SCRN3: variants seen among roughly 807,000 people sequenced by gnomAD.
The protein encoded by SCRN3 is secernin 3, also known as secernin-3.
A neutral mutation model predicts 43.1 loss-of-function variants in SCRN3; 39 were observed. That is an observed-to-expected ratio of 0.91 (90% CI 0.70 to 1.18). SCRN3 has a LOEUF of 1.18. Ranked by LOEUF, SCRN3 falls within the 50% of genes most tolerant of loss-of-function variation. SCRN3 has a pLI of 0.00. For synonymous variants in SCRN3, 147 were observed against 163.1 expected, an observed-to-expected ratio of 0.90 and a Z score of 0.75; for missense variants, 484 against 498.0, an observed-to-expected ratio of 0.97 and a Z score of 0.27.
chr2:174,395,883 G>T, intron 1 of SCRN3, 66 bp downstream of exon 1: 1 of 1,446,006 alleles, frequency 6.9e-7, no homozygotes, highest in East Asian at 2.5e-5. Context: ...CCCAACTGTG[G>T]CGCGGCACTG....
In SCRN3 at chr2:174,409,434, C is replaced by T. The variant is rs868356261; in HGVS notation, c.754+5119C>T. Among the ~76,000 whole-genome samples the T allele has an allele frequency of 6.6e-3, 977 of 146,982 alleles. 4 individuals are homozygous for T. Among genetic ancestry groups the T allele is most frequent in the Middle Eastern group, 0.029 (8 of 272 alleles). ...CTCCCGTAGCTCAGAGTAATTTGAT[C>T]GTCTGAAGCCTTCTTCTCTCAGCTC... On this transcript the variant is annotated intron_variant, in intron 5 of 7. Coordinates refer to ENST00000272732, the MANE Select transcript of SCRN3 (RefSeq NM_024583.5).
At chr2:174,411,532 C>T (rs1247380375) in intron 5 of SCRN3, among the ~76,000 whole-genome samples, 3 of 152,180 alleles carry the variant, frequency 2.0e-5, no homozygotes, top group Non-Finnish European at 2.9e-5. Context: ...TTAATCTCTA[C>T]AAGTTCCATT....
At chr2:174,420,379 G>A (rs548820484) in intron 5 of SCRN3, among the ~76,000 whole-genome samples, 1 of 152,242 alleles carries the variant, frequency 6.6e-6, no homozygotes, top group South Asian at 2.1e-4. Context: ...GTTGCCAAAA[G>A]AATATTAAAT....
intron 7 of SCRN3, 23 bp from the exon 8 acceptor site, chr2:174,427,690 T>C: frequency 6.6e-7 from 1 of 1,504,288 alleles, no homozygotes; most frequent in Non-Finnish European, 9.1e-7. Flanking sequence ...TATGTGTTTA[T>C]CTTTATATTT....
chr2:174,397,330 T>C, intron 1 of SCRN3: 1 of 985,144 alleles, frequency 1.0e-6, no homozygotes, highest in Non-Finnish European at 1.2e-6. Context: ...GTGTCTGTTC[T>C]GGCAGCAAAA....
intron 5 of SCRN3, among the ~76,000 whole-genome samples, chr2:174,417,792 A>AAATG (rs2105610923): frequency 6.6e-6 from 1 of 152,346 alleles, no homozygotes; most frequent in East Asian, 1.9e-4. Flanking sequence ...AAACTGAAAA[A>AAATG]AATGGACTTT....
In SCRN3 at chr2:174,395,832, C is replaced by G. The variant is rs757973669; in HGVS notation, c.-10+15C>G. ...TGGGAGGCCAGGTGAGGGGCGCGCA[C>G]GGGGGAGGGGCGTGCATAGTTGAGA... On this transcript the variant is annotated intron_variant, in intron 1 of 7. Coordinates refer to ENST00000272732, the MANE Select transcript of SCRN3 (RefSeq NM_024583.5). 1.3e-6 allele frequency: 2 copies of G among 1,512,866 alleles called. No homozygotes were observed. Among genetic ancestry groups the G allele is most frequent in the Non-Finnish European group, 1.8e-6 (2 of 1,128,244 alleles). The allele number at this position is 1,512,866 out of a possible 1,614,324, so 93.7% of individuals were successfully genotyped here. A position where few individuals can be genotyped will look rare whatever the true frequency, so the allele number is the denominator to read the frequency against.
chr2:174,395,926 C>T, intron 1 of SCRN3, 109 bp downstream of exon 1: 2 of 1,408,694 alleles, frequency 1.4e-6, no homozygotes, highest in Non-Finnish European at 1.8e-6. Context: ...CCAGCTGCAC[C>T]GGCTGCGGTT....
intron 2 of SCRN3, among the ~76,000 whole-genome samples, chr2:174,399,021 A>G (rs1472616814): frequency 2.6e-5 from 4 of 152,186 alleles, no homozygotes; most frequent in African/African-American, 7.2e-5. Context: ...TAACACTATC[A>G]ATATACATTT....
chr2:174,410,854 A>G (rs1685892500), intron 5 of SCRN3, among the ~76,000 whole-genome samples: 2 of 152,240 alleles, frequency 1.3e-5, no homozygotes, highest in South Asian at 4.1e-4. Flanking sequence ...GTTCAAATAC[A>G]AGAAGAGAAA....
chr2:174,424,399 A>C, intron 6 of SCRN3, 76 bp from the exon 7 acceptor site: 1 of 1,055,492 alleles, frequency 9.5e-7, no homozygotes, highest in African/African-American at 1.6e-5. Context: ...AATTGAGAGA[A>C]TCTTAGAAGA....
intron 5 of SCRN3, among the ~76,000 whole-genome samples, chr2:174,422,674 G>C (rs1686333151): frequency 6.6e-6 from 1 of 151,794 alleles, no homozygotes; most frequent in South Asian, 2.1e-4. Flanking sequence ...ATGGCTTTGA[G>C]ACTTTGCATA....
chr2:174,400,018 C>A lies in SCRN3; in HGVS notation c.256C>A (p.His86Asn). ...GGGGGCAGAAATGGGAGCCAATGAG[C>A]ATGGAGTTTGCATTGGGAATGAAGC... ...LWGAEMGANEHGVCIGNEAVW... is the reference protein window; with the variant it reads ...LWGAEMGANENGVCIGNEAVW... The change falls in exon 3 of 8, where the codon CAT (histidine) becomes AAT (asparagine). Residue 86 changes from histidine (H) to asparagine (N), a missense_variant. By Grantham distance (68) the His-to-Asn change is moderately conservative. Coordinates refer to ENST00000272732, the MANE Select transcript of SCRN3 (RefSeq NM_024583.5). The A allele has an allele frequency of 6.3e-7, 1 of 1,599,870 alleles. No individual in the cohort carries two copies. The highest frequency in any genetic ancestry group is 8.5e-7 in the Non-Finnish European group (1 of 1,174,614).
chr2:174,411,836 G>A (rs112219212), intron 5 of SCRN3, among the ~76,000 whole-genome samples: 6 of 152,206 alleles, frequency 3.9e-5, no homozygotes, highest in South Asian at 4.1e-4. Flanking sequence ...CAGGAGAATC[G>A]CTTGAACCTG....
intron 6 of SCRN3, 116 bp from the exon 7 acceptor site, chr2:174,424,359 T>A: frequency 1.4e-6 from 1 of 732,640 alleles, no homozygotes; most frequent in Non-Finnish European, 2.2e-6. Context: ...AGGAACAAGT[T>A]AGTATGTAGC....
chr2:174,409,181 C>G (rs1310211610), intron 5 of SCRN3, among the ~76,000 whole-genome samples: 1 of 127,564 alleles, frequency 7.8e-6, no homozygotes, highest in African/African-American at 2.7e-5. Flanking sequence ...TTTCTCTAAA[C>G]TTCCCTTCTC....
rs769652150 is a variant in SCRN3 at position 174,395,744 on chromosome 2, C to T, written c.-83C>T. On this transcript the variant is annotated 5_prime_UTR_variant, in exon 1 of 8. Transcript: ENST00000272732. ...GAACTTCCGAGATCAAAGGTGACAG[C>T]TTCCGGCAACTGATGCCTCCACTGG... 64 of 1,597,196 alleles carry T rather than the reference C, an allele frequency of 4.0e-5. No homozygotes were observed. Among genetic ancestry groups the T allele is most frequent in the Non-Finnish European group, 5.0e-5 (58 of 1,170,894 alleles).
chr2:174,416,293 A>G (rs1220861423), intron 5 of SCRN3, among the ~76,000 whole-genome samples: 1 of 152,200 alleles, frequency 6.6e-6, no homozygotes, highest in Non-Finnish European at 1.5e-5. Flanking sequence ...CAGATTTGGC[A>G]TATACTTTGG....
intron 6 of SCRN3, among the ~76,000 whole-genome samples, chr2:174,424,145 T>G (rs1171455867): frequency 6.6e-6 from 1 of 152,142 alleles, no homozygotes. Context: ...CCTAATCCTC[T>G]TCTGTAACAT....
Sources: gnomAD v4.1 joint callset for allele counts (sites outside exome capture counted in the v4.1 genomes callset) on GRCh38, gnomAD v4.1.1 for gene constraint, MANE v1.5 for transcripts, NCBI Gene and HGNC (gene_info 2026-07-23, HGNC 2026-07-21) for gene names.